Variants in IFT25 observed in about 807,000 individuals in gnomAD.
IFT25 encodes the protein intraflagellar transport protein 25 homolog.
At chr1:53,940,084 T>C in the IFT25 span, 1 of 1,542,584 alleles carries the variant, frequency 6.5e-7, no homozygotes, top group Admixed American at 1.8e-5. Context: ...TTTTCTCATC[T>C]TAAAGTGTTT....
At chr1:53,934,213 A>T in the IFT25 span, among the ~76,000 whole-genome samples, 1 of 152,132 alleles carries the variant, frequency 6.6e-6, no homozygotes, top group Non-Finnish European at 1.5e-5. Context: ...TGTGATGAAA[A>T]ATGCCTTTAT....
the IFT25 span, among the ~76,000 whole-genome samples, chr1:53,915,543 G>C: frequency 6.6e-6 from 1 of 152,072 alleles, no homozygotes; most frequent in Non-Finnish European, 1.5e-5. Flanking sequence ...CAGAACACAG[G>C]GTGACTGCGT....
At chr1:53,926,693 G>A in the IFT25 span, among the ~76,000 whole-genome samples, 1 of 151,554 alleles carries the variant, frequency 6.6e-6, no homozygotes, top group East Asian at 1.9e-4. Flanking sequence ...GACCAGGTCA[G>A]TTGTCCTGTA....
the IFT25 span, among the ~76,000 whole-genome samples, chr1:53,933,627 A>C: frequency 1.2e-4 from 19 of 152,192 alleles, no homozygotes; most frequent in African/African-American, 4.6e-4. Context: ...TAAAGTGCAT[A>C]TCTTTTAGAC....
At chr1:53,926,077 C>CA in the IFT25 span, among the ~76,000 whole-genome samples, 1,091 of 53,342 alleles carry the variant, frequency 0.02, 9 homozygotes, top group African/African-American at 0.044. Flanking sequence ...ACTCCAGTCT[C>CA]AAAAAAAAAA....
At chr1:53,944,231 C>T in the IFT25 span, among the ~76,000 whole-genome samples, 3 of 152,152 alleles carry the variant, frequency 2.0e-5, no homozygotes, top group African/African-American at 7.2e-5. Flanking sequence ...CAATGCCAGG[C>T]CTGGTGACTC....
the IFT25 span, among the ~76,000 whole-genome samples, chr1:53,941,562 T>TA: frequency 6.6e-6 from 1 of 152,350 alleles, no homozygotes; most frequent in African/African-American, 2.4e-5. Flanking sequence ...CTACCAATCT[T>TA]ACCACAGTTT....
chr1:53,916,850 T>C, the IFT25 span: 1 of 396,850 alleles, frequency 2.5e-6, no homozygotes, highest in East Asian at 3.6e-5. Context: ...ATTTAAAATT[T>C]GCTTTTCCGG....
the IFT25 span, among the ~76,000 whole-genome samples, chr1:53,918,984 G>A: frequency 4.6e-5 from 7 of 152,034 alleles, no homozygotes; most frequent in Non-Finnish European, 7.4e-5. Flanking sequence ...GACTACAGGC[G>A]CATGCCACCA....
chr1:53,932,476 C>T, the IFT25 span, among the ~76,000 whole-genome samples: 2 of 152,092 alleles, frequency 1.3e-5, no homozygotes, highest in Non-Finnish European at 2.9e-5. Flanking sequence ...AATTTAATTA[C>T]ACAGTGGTCA....
the IFT25 span, among the ~76,000 whole-genome samples, chr1:53,944,233 T>A: frequency 8.5e-5 from 13 of 152,200 alleles, no homozygotes; most frequent in African/African-American, 3.1e-4. Context: ...ATGCCAGGCC[T>A]GGTGACTCGC....
At chr1:53,917,652 C>T in the IFT25 span, among the ~76,000 whole-genome samples, 1 of 151,942 alleles carries the variant, frequency 6.6e-6, no homozygotes, top group African/African-American at 2.4e-5. Flanking sequence ...ATGGTGAGAC[C>T]CCCAACTCTA....
At chr1:53,940,891 C>G in the IFT25 span, among the ~76,000 whole-genome samples, 583 of 151,732 alleles carry the variant, frequency 3.8e-3, 1 homozygote, top group African/African-American at 0.012. Flanking sequence ...AAAAAATTCT[C>G]TGTAGAGGCC....
the IFT25 span, chr1:53,928,837 T>G: frequency 6.1e-6 from 1 of 163,332 alleles, no homozygotes; most frequent in Admixed American, 6.3e-5. Flanking sequence ...TTAACCCACT[T>G]TACTGGTGAG....
At chr1:53,945,320 G>C in the IFT25 span, among the ~76,000 whole-genome samples, 1 of 152,196 alleles carries the variant, frequency 6.6e-6, no homozygotes, top group South Asian at 2.1e-4. Context: ...GGGTCAAGAC[G>C]CTATTTCTGG....
At chr1:53,926,786 G>A in the IFT25 span, among the ~76,000 whole-genome samples, 7 of 151,444 alleles carry the variant, frequency 4.6e-5, no homozygotes, top group Non-Finnish European at 8.8e-5. Context: ...GCAGTGGCAT[G>A]ATCACAGCTC....
chr1:53,939,815 T>C, the IFT25 span: 1 of 571,156 alleles, frequency 1.8e-6, no homozygotes, highest in Non-Finnish European at 3.1e-6. Context: ...AAAACCTAAA[T>C]ATACACAACT....
the IFT25 span, chr1:53,930,058 A>T: frequency 6.4e-7 from 1 of 1,566,952 alleles, no homozygotes; most frequent in East Asian, 2.3e-5. Context: ...TTTGGATTAC[A>T]AGCCTTTCAA....
chr1:53,936,341 T>C, the IFT25 span, among the ~76,000 whole-genome samples: 3 of 152,058 alleles, frequency 2.0e-5, no homozygotes, highest in East Asian at 3.9e-4. Flanking sequence ...TCCCAGCTAC[T>C]CAGGAGGCTG....
Sources: gnomAD v4.1 joint callset for allele counts (sites outside exome capture counted in the v4.1 genomes callset) on GRCh38, gnomAD v4.1.1 for gene constraint, MANE v1.5 for transcripts, NCBI Gene and HGNC (gene_info 2026-07-23, HGNC 2026-07-21) for gene names.